GRIA3: variants seen among roughly 807,000 people sequenced by gnomAD.
The protein encoded by GRIA3 is glutamate receptor 3.
Under a neutral mutation model 63.0 loss-of-function variants are expected in GRIA3, and 3 were observed. That is an observed-to-expected ratio of 0.05 (90% CI 0.02 to 0.12). The LOEUF (loss-of-function observed/expected upper bound fraction) is 0.12, where lower values mean the gene tolerates loss of function less well. Ranked by LOEUF, GRIA3 falls within the 10% of genes least tolerant of loss-of-function variation. The pLI is 1.00. For missense variants in GRIA3, 347 were observed against 700.9 expected (o/e 0.50, Z 5.70); for synonymous variants, 274 against 257.9 (o/e 1.06, Z -0.60).
At chrX:123,292,493 C>T (rs773752314) in intron 3 of GRIA3, among the ~76,000 whole-genome samples, 54 of 110,512 alleles carry the variant, frequency 4.9e-4, no homozygotes, top group Admixed American at 1.3e-3. Context: ...TTGAAGACCT[C>T]CCCCCACCCC....
chrX:123,313,306 A>C (rs2044809934), intron 3 of GRIA3, among the ~76,000 whole-genome samples: 1 of 111,574 alleles, frequency 9.0e-6, no homozygotes, highest in South Asian at 3.8e-4. Flanking sequence ...GTATTAAGTC[A>C]AAAAGAACTT....
At chrX:123,246,721 C>T (rs2044361171) in intron 2 of GRIA3, among the ~76,000 whole-genome samples, 2 of 110,747 alleles carry the variant, frequency 1.8e-5, no homozygotes, top group African/African-American at 3.3e-5. Context: ...TTTGGGGAGT[C>T]ATTATTTTAT....
At chrX:123,213,660 G>A (rs1287567973) in intron 2 of GRIA3, among the ~76,000 whole-genome samples, 2 of 111,739 alleles carry the variant, frequency 1.8e-5, no homozygotes, top group East Asian at 2.8e-4. Context: ...TCCCAGTGTC[G>A]GTGCCAAGAG....
At chrX:123,462,973 C>T (rs1190617853) in intron 12 of GRIA3, among the ~76,000 whole-genome samples, 2 of 111,265 alleles carry the variant, frequency 1.8e-5, no homozygotes, top group Non-Finnish European at 3.8e-5. Flanking sequence ...TCCAGAATGA[C>T]TAACATAGGG....
chrX:123,299,990 G>C (rs751440225), intron 3 of GRIA3, among the ~76,000 whole-genome samples: 2 of 111,523 alleles, frequency 1.8e-5, no homozygotes, highest in South Asian at 7.5e-4. Context: ...AGGTAATCAT[G>C]GTTTTTGTCT....
intron 5 of GRIA3, among the ~76,000 whole-genome samples, chrX:123,374,220 T>C (rs112138274): frequency 0.15 from 16,875 of 111,316 alleles, 1,100 homozygotes; most frequent in Non-Finnish European, 0.2. Context: ...TCTCTATCTC[T>C]GTTTTGGTGC....
chrX:123,334,613 C>A (rs1180363639), intron 4 of GRIA3, among the ~76,000 whole-genome samples: 1 of 111,747 alleles, frequency 8.9e-6, no homozygotes, highest in Non-Finnish European at 1.9e-5. Flanking sequence ...TTGATTATTT[C>A]TTGTCAGGTT....
intron 5 of GRIA3, among the ~76,000 whole-genome samples, chrX:123,386,006 C>T (rs181791956): frequency 1.5e-3 from 172 of 112,075 alleles, no homozygotes; most frequent in African/African-American, 5.3e-3. Flanking sequence ...CATAAATCTT[C>T]ACACTGTTTT....
chrX:123,250,695 G>C (rs2044384164), intron 2 of GRIA3, among the ~76,000 whole-genome samples: 1 of 111,520 alleles, frequency 9.0e-6, no homozygotes, highest in South Asian at 3.8e-4. Context: ...TAGTCTTCCA[G>C]CCCATGACCA....
intron 2 of GRIA3, among the ~76,000 whole-genome samples, chrX:123,208,366 A>G (rs1927949987): frequency 8.9e-6 from 1 of 112,334 alleles, no homozygotes; most frequent in Non-Finnish European, 1.9e-5. Flanking sequence ...ATCTTTTGTA[A>G]AATGAAAAGA....
rs1000396848 is a variant in GRIA3, at chrX:123,298,214, T to C, written c.509-27812T>C. Among the ~76,000 whole-genome samples, 4 of 111,707 alleles carry C rather than the reference T, an allele frequency of 3.6e-5. No individual in the cohort carries two copies. In the South Asian group the frequency reaches 1.5e-3, roughly 42 times the overall value. ...CAGTCACATGCATGTGTCTTTATGGTAGAAGGATTTACATTCCTCTGGGTA... is the reference window on the plus strand; with the variant it reads ...CAGTCACATGCATGTGTCTTTATGGCAGAAGGATTTACATTCCTCTGGGTA... On this transcript the variant is annotated intron_variant, in intron 3 of 15. Transcript: ENST00000620443.
intron 5 of GRIA3, among the ~76,000 whole-genome samples, chrX:123,356,940 C>T (rs1358932395): frequency 1.8e-5 from 2 of 111,269 alleles, no homozygotes; most frequent in Non-Finnish European, 3.8e-5. Flanking sequence ...GGGAGTAATA[C>T]CTGTGAAAGA....
chrX:123,377,303 G>T (rs1163653331), intron 5 of GRIA3, among the ~76,000 whole-genome samples: 7 of 111,633 alleles, frequency 6.3e-5, no homozygotes. Context: ...TTTCTTTGCT[G>T]AAGCTTTCCA....
intron 5 of GRIA3, among the ~76,000 whole-genome samples, chrX:123,381,484 T>G (rs1448949060): frequency 8.9e-6 from 1 of 112,074 alleles, no homozygotes; most frequent in Non-Finnish European, 1.9e-5. Context: ...GTCATAACCA[T>G]AAAAATTCAT....
intron 3 of GRIA3, among the ~76,000 whole-genome samples, chrX:123,302,370 A>G (rs1238015260): frequency 9.0e-6 from 1 of 111,628 alleles, no homozygotes; most frequent in African/African-American, 3.3e-5. Context: ...TGTCTTTCCA[A>G]TTCCAATATA....
intron 13 of GRIA3, among the ~76,000 whole-genome samples, chrX:123,468,331 AC>A (rs1220016141): frequency 2.7e-5 from 3 of 111,272 alleles, no homozygotes; most frequent in Non-Finnish European, 5.7e-5. Flanking sequence ...TAGCAGTAAA[AC>A]CTCATTAATT....
intron 5 of GRIA3, among the ~76,000 whole-genome samples, chrX:123,381,557 A>G (rs73630706): frequency 0.024 from 2,667 of 111,562 alleles, 89 homozygotes; most frequent in African/African-American, 0.08. Flanking sequence ...AAAGAGACCT[A>G]GAAGCCAAAC....
chrX:123,228,538 C>T (rs1199112084), intron 2 of GRIA3, among the ~76,000 whole-genome samples: 3 of 111,002 alleles, frequency 2.7e-5, no homozygotes, highest in African/African-American at 9.8e-5. Context: ...GGTAGAAGCA[C>T]TTAGCAGGTG....
chrX:123,383,217 T>A (rs2045334507), intron 5 of GRIA3, among the ~76,000 whole-genome samples: 1 of 112,554 alleles, frequency 8.9e-6, no homozygotes, highest in Admixed American at 9.4e-5. Flanking sequence ...CATAGAATTG[T>A]AATGATCAAA....
Sources: allele counts gnomAD v4.1 joint callset (sites outside exome capture counted in the v4.1 genomes callset), GRCh38; gene constraint gnomAD v4.1.1; transcripts MANE v1.5; gene names NCBI Gene and HGNC (gene_info 2026-07-23, HGNC 2026-07-21).